The following PRKAR1B variants were observed in gnomAD, a reference collection of about 807,000 sequenced individuals.
The protein encoded by PRKAR1B is protein kinase cAMP-dependent type I regulatory subunit beta.
In PRKAR1B, 22 loss-of-function variants were observed where a neutral mutation model predicts 46.5. That is an observed-to-expected ratio of 0.47 (90% CI 0.34 to 0.68). PRKAR1B has a LOEUF of 0.68. PRKAR1B is among the 30% of genes least tolerant of loss of function. The probability of loss-of-function intolerance (pLI) is 0.01; values close to 1 mark genes in which losing one functional copy is unlikely to be tolerated. For synonymous variants in PRKAR1B, 259 were observed against 217.7 expected, an observed-to-expected ratio of 1.19 and a Z score of -1.67; for missense variants, 445 against 535.6, an observed-to-expected ratio of 0.83 and a Z score of 1.67.
intron 9 of PRKAR1B, among the ~76,000 whole-genome samples, chr7:557,888 G>C (rs534680559): frequency 1.3e-5 from 2 of 152,070 alleles, no homozygotes; most frequent in Non-Finnish European, 2.9e-5. Flanking sequence ...ATTCTAACCC[G>C]ACTCTAAAAA....
intron 2 of PRKAR1B, among the ~76,000 whole-genome samples, chr7:702,388 C>T (rs955205543): frequency 3.3e-5 from 5 of 152,104 alleles, no homozygotes; most frequent in Non-Finnish European, 7.4e-5. Flanking sequence ...ATTAAATGTA[C>T]ATGATCTATA....
At chr7:554,263 G>C (rs1458948660) in intron 9 of PRKAR1B, among the ~76,000 whole-genome samples, 2 of 152,278 alleles carry the variant, frequency 1.3e-5, no homozygotes. Context: ...GAGAAAATTT[G>C]GTTAGCTGGG....
intron 4 of PRKAR1B, among the ~76,000 whole-genome samples, chr7:657,811 C>T (rs1040440953): frequency 6.6e-6 from 1 of 152,166 alleles, no homozygotes; most frequent in Non-Finnish European, 1.5e-5. Flanking sequence ...CAGCAACAGG[C>T]TTGTAAAACA....
At chr7:697,461 G>A (rs958837748) in intron 2 of PRKAR1B, among the ~76,000 whole-genome samples, 4 of 152,146 alleles carry the variant, frequency 2.6e-5, no homozygotes, top group South Asian at 2.1e-4. Context: ...TGCCTTCAAC[G>A]GAGGGCGTCT....
chr7:594,539 C>A (rs1425863401), intron 7 of PRKAR1B, among the ~76,000 whole-genome samples: 14 of 152,120 alleles, frequency 9.2e-5, no homozygotes, highest in Non-Finnish European at 1.9e-4. Flanking sequence ...GGTGCGGCCA[C>A]CCAAACCACA....
At chr7:557,411 T>C (rs1778513491) in intron 9 of PRKAR1B, among the ~76,000 whole-genome samples, 1 of 152,254 alleles carries the variant, frequency 6.6e-6, no homozygotes, top group Non-Finnish European at 1.5e-5. Context: ...AGGGACTGTT[T>C]GTTACAGCAG....
chr7:550,988 C>A (rs1374770213), intron 10 of PRKAR1B, among the ~76,000 whole-genome samples: 1 of 151,436 alleles, frequency 6.6e-6, no homozygotes, highest in Non-Finnish European at 1.5e-5. Flanking sequence ...CCCAGGCCTC[C>A]CTCAGGACCC....
At chr7:691,768 T>C in intron 2 of PRKAR1B, 1 of 1,199,110 alleles carries the variant, frequency 8.3e-7, no homozygotes, top group Non-Finnish European at 1.1e-6. Flanking sequence ...CACAGGGCTC[T>C]ACAAACACCG....
chr7:658,854 T>A (rs1468086065), intron 4 of PRKAR1B, among the ~76,000 whole-genome samples: 1 of 152,146 alleles, frequency 6.6e-6, no homozygotes, highest in Non-Finnish European at 1.5e-5. Flanking sequence ...TTTTGTCATG[T>A]TGGACAGGCT....
At chr7:721,903 G>A (rs894404336) in intron 1 of PRKAR1B, among the ~76,000 whole-genome samples, 6 of 152,012 alleles carry the variant, frequency 3.9e-5, no homozygotes, top group African/African-American at 1.5e-4. Flanking sequence ...CATTCAAACT[G>A]GTGTTCCTCT....
chr7:586,383 G>A (rs1303101115), intron 7 of PRKAR1B, among the ~76,000 whole-genome samples: 1 of 152,220 alleles, frequency 6.6e-6, no homozygotes, highest in East Asian at 1.9e-4. Context: ...AGAATGCTAA[G>A]GAAATGAGTC....
intron 3 of PRKAR1B, 116 bp from the exon 4 acceptor site, chr7:677,436 G>T: frequency 1.2e-6 from 1 of 842,264 alleles, no homozygotes. Context: ...GTACAAATAT[G>T]CAATTTGAAG....
intron 7 of PRKAR1B, among the ~76,000 whole-genome samples, chr7:587,686 G>A (rs1055458678): frequency 3.9e-5 from 6 of 152,366 alleles, no homozygotes; most frequent in South Asian, 4.1e-4. Context: ...TGGGGACACC[G>A]AGTGAGCATA....
intron 4 of PRKAR1B, among the ~76,000 whole-genome samples, chr7:636,765 A>C (rs1237110588): frequency 2.0e-5 from 3 of 152,168 alleles, no homozygotes; most frequent in African/African-American, 7.2e-5. Context: ...GGTCGGGTCC[A>C]TCTCTCTGTC....
intron 4 of PRKAR1B, among the ~76,000 whole-genome samples, chr7:612,710 G>C (rs1057489775): frequency 2.6e-5 from 4 of 152,220 alleles, no homozygotes; most frequent in Admixed American, 6.5e-5. Context: ...AAAGCTGCTG[G>C]AGTGGCCACC....
intron 9 of PRKAR1B, among the ~76,000 whole-genome samples, chr7:559,293 G>A (rs928085221): frequency 1.3e-5 from 2 of 152,168 alleles, no homozygotes; most frequent in African/African-American, 4.8e-5. Flanking sequence ...CTGAGACCTC[G>A]AGGGCAGGAG....
intron 4 of PRKAR1B, among the ~76,000 whole-genome samples, chr7:674,895 A>T (rs1421285030): frequency 6.6e-6 from 1 of 152,228 alleles, no homozygotes; most frequent in Non-Finnish European, 1.5e-5. Flanking sequence ...GTATTTCAGC[A>T]TGATGTGAGT....
At chr7:707,683 A>ACACTAGTCC (rs1780402163) in intron 2 of PRKAR1B, among the ~76,000 whole-genome samples, 1 of 152,144 alleles carries the variant, frequency 6.6e-6, no homozygotes, top group African/African-American at 2.4e-5. Flanking sequence ...TCCCTATGAG[A>ACACTAGTCC]AGGGGAAATC....
intron 1 of PRKAR1B, among the ~76,000 whole-genome samples, chr7:723,133 A>G (rs2088540617): frequency 6.6e-6 from 1 of 152,146 alleles, no homozygotes; most frequent in Non-Finnish European, 1.5e-5. Flanking sequence ...CTAAGAGAGG[A>G]AGGGCAGATT....
Sources: gnomAD v4.1 joint callset for allele counts (sites outside exome capture counted in the v4.1 genomes callset) on GRCh38, gnomAD v4.1.1 for gene constraint, MANE v1.5 for transcripts, NCBI Gene and HGNC (gene_info 2026-07-23, HGNC 2026-07-21) for gene names.